Variants in LDLRAD3 observed in about 807,000 individuals in gnomAD.
LDLRAD3 encodes the protein low density lipoprotein receptor class A domain containing 3.
LDLRAD3 carries 20 observed loss-of-function variants against 29.4 expected under a neutral mutation model. The observed-to-expected ratio is 0.68, with a 90% CI of 0.48 to 0.99. LDLRAD3 has a LOEUF of 0.99. LDLRAD3 is among the 50% of genes least tolerant of loss of function. LDLRAD3 has a pLI of 0.00. For missense variants in LDLRAD3, 420 were observed against 454.3 expected (o/e 0.92, Z 0.69); for synonymous variants, 157 against 192.7 (o/e 0.81, Z 1.53).
chr11:36,131,623 C>A (rs1439273272), intron 4 of LDLRAD3, among the ~76,000 whole-genome samples: 1 of 152,122 alleles, frequency 6.6e-6, no homozygotes, highest in Non-Finnish European at 1.5e-5. Flanking sequence ...AACAGAAAAC[C>A]TACTGTCTTA....
intron 4 of LDLRAD3, among the ~76,000 whole-genome samples, chr11:36,116,325 C>G (rs1417703404): frequency 6.6e-6 from 1 of 152,170 alleles, no homozygotes; most frequent in Non-Finnish European, 1.5e-5. Flanking sequence ...AGCCAGCGTC[C>G]CAGCTTGGTT....
chr11:36,195,629 AG>A (rs1855021463), intron 4 of LDLRAD3, among the ~76,000 whole-genome samples: 1 of 152,226 alleles, frequency 6.6e-6, no homozygotes, highest in Non-Finnish European at 1.5e-5. Context: ...GCCAGACTAA[AG>A]GGCTGCAAAA....
intron 4 of LDLRAD3, among the ~76,000 whole-genome samples, chr11:36,130,892 A>G (rs1565244964): frequency 2.0e-5 from 3 of 152,178 alleles, no homozygotes; most frequent in Non-Finnish European, 1.5e-5. Flanking sequence ...TCCAGTGCGC[A>G]CTATCTCTTT....
intron 4 of LDLRAD3, among the ~76,000 whole-genome samples, chr11:36,129,995 A>G (rs774483644): frequency 2.6e-5 from 4 of 152,212 alleles, no homozygotes; most frequent in Non-Finnish European, 1.5e-5. Flanking sequence ...TGTTCATTGC[A>G]GTATCCTCAG....
chr11:35,948,400 C>G (rs1004936347), intron 1 of LDLRAD3, among the ~76,000 whole-genome samples: 1 of 151,900 alleles, frequency 6.6e-6, no homozygotes, highest in Non-Finnish European at 1.5e-5. Context: ...GCCAGTGCCT[C>G]TACCTGACAA....
At chr11:35,999,055 G>A (rs1851790450) in intron 1 of LDLRAD3, among the ~76,000 whole-genome samples, 1 of 152,184 alleles carries the variant, frequency 6.6e-6, no homozygotes, top group Non-Finnish European at 1.5e-5. Flanking sequence ...GAGGACATGG[G>A]CTCTGCTTTT....
At chr11:36,205,107 G>T (rs144807786) in intron 4 of LDLRAD3, among the ~76,000 whole-genome samples, 1 of 152,082 alleles carries the variant, frequency 6.6e-6, no homozygotes, top group Non-Finnish European at 1.5e-5. Flanking sequence ...GGACTCCAGC[G>T]CCATGTTCTG....
intron 2 of LDLRAD3, among the ~76,000 whole-genome samples, chr11:36,060,722 C>G (rs1420680000): frequency 1.3e-5 from 2 of 152,182 alleles, no homozygotes; most frequent in Admixed American, 6.5e-5. Context: ...TCCATCCTCA[C>G]TATTGATCAT....
chr11:35,978,168 A>C (rs1232104089), intron 1 of LDLRAD3, among the ~76,000 whole-genome samples: 2 of 152,220 alleles, frequency 1.3e-5, no homozygotes, highest in African/African-American at 4.8e-5. Context: ...GATGCAAGGT[A>C]AGCCAGCTTA....
intron 4 of LDLRAD3, among the ~76,000 whole-genome samples, chr11:36,222,304 G>A (rs1471404497): frequency 1.3e-5 from 2 of 151,956 alleles, no homozygotes; most frequent in Admixed American, 6.6e-5. Flanking sequence ...GGCTGGTCTC[G>A]AGCTCCTGGA....
intron 4 of LDLRAD3, among the ~76,000 whole-genome samples, chr11:36,119,003 A>G (rs573697555): frequency 6.6e-6 from 1 of 152,300 alleles, no homozygotes; most frequent in Non-Finnish European, 1.5e-5. Flanking sequence ...TCATGTAACC[A>G]TGGGTGTCCT....
At chr11:36,059,501 C>G (rs1241451749) in intron 2 of LDLRAD3, among the ~76,000 whole-genome samples, 1 of 151,970 alleles carries the variant, frequency 6.6e-6, no homozygotes, top group Non-Finnish European at 1.5e-5. Context: ...TTGTACCCTC[C>G]CCTGCCATCC....
chr11:36,145,420 G>C (rs1389833907), intron 4 of LDLRAD3, among the ~76,000 whole-genome samples: 1 of 109,792 alleles, frequency 9.1e-6, no homozygotes, highest in Non-Finnish European at 1.9e-5. Flanking sequence ...CACCCCATCC[G>C]GGAGGTGAGG....
chr11:36,098,544 C>A, intron 4 of LDLRAD3, 83 bp downstream of exon 4: 1 of 1,480,380 alleles, frequency 6.8e-7, no homozygotes, highest in East Asian at 2.3e-5. Flanking sequence ...AAAGCAACAC[C>A]CATTCCCATT....
intron 4 of LDLRAD3, among the ~76,000 whole-genome samples, chr11:36,125,167 C>T (rs188092913): frequency 1.3e-5 from 2 of 152,244 alleles, no homozygotes; most frequent in East Asian, 3.9e-4. Context: ...TGGGTCTGCA[C>T]TCTGATCTGT....
chr11:36,097,853 A>G (rs1853385185), intron 3 of LDLRAD3, among the ~76,000 whole-genome samples: 1 of 152,234 alleles, frequency 6.6e-6, no homozygotes, highest in Admixed American at 6.5e-5. Context: ...AAAAAAATTA[A>G]AAAGAATTCC....
intron 4 of LDLRAD3, among the ~76,000 whole-genome samples, chr11:36,141,036 C>CTCTCTCTCTCTCTCTCTCT (rs1491124137): frequency 3.0e-4 from 42 of 138,686 alleles, no homozygotes; most frequent in South Asian, 7.0e-4. Context: ...CTCTCTCTCT[C>CTCTCTCTCTCTCTCTCTCT]CGTGTGGGGG....
At position 36,124,280 on chromosome 11, in the gene LDLRAD3, T is replaced by C. The variant is rs144328143; in HGVS notation, c.454+25819T>C. Among the ~76,000 whole-genome samples, 10 of 152,324 alleles carry C rather than the reference T, an allele frequency of 6.6e-5. 1 individual carries two copies. The highest frequency in any genetic ancestry group is 2.2e-4 in the African/African-American group (9 of 41,582). On this transcript the variant is annotated intron_variant, in intron 4 of 5. Transcript: ENST00000315571. The stretch of plus-strand genomic sequence containing the variant: ...TAAAATAGGAAGGCTATTGAATACA[T>C]GGAGAAAACTTGGAGTTTGTGGAGG...
At chr11:35,981,949 C>T (rs771679063) in intron 1 of LDLRAD3, among the ~76,000 whole-genome samples, 5 of 152,138 alleles carry the variant, frequency 3.3e-5, no homozygotes, top group Non-Finnish European at 7.3e-5. Context: ...GCCTGGGAGT[C>T]GGAGCTCTTT....
Sources: gnomAD v4.1 joint callset for allele counts (sites outside exome capture counted in the v4.1 genomes callset) on GRCh38, gnomAD v4.1.1 for gene constraint, MANE v1.5 for transcripts, NCBI Gene and HGNC (gene_info 2026-07-23, HGNC 2026-07-21) for gene names.